TENM3: variants seen among roughly 807,000 people sequenced by gnomAD.
TENM3 encodes teneurin-3.
TENM3 carries 63 observed loss-of-function variants against 255.1 expected under a neutral mutation model. The observed-to-expected ratio is 0.25, with a 90% CI of 0.20 to 0.30. The LOEUF is 0.30. TENM3 is among the 10% of genes least tolerant of loss of function. The probability of loss-of-function intolerance (pLI) is 1.00; values close to 1 mark genes in which losing one functional copy is unlikely to be tolerated. For synonymous variants in TENM3, 1,306 were observed against 1,322.3 expected (o/e 0.99, Z 0.27); for missense variants, 2,929 against 3,461.1 (o/e 0.85, Z 3.86).
intron 2 of TENM3, among the ~76,000 whole-genome samples, chr4:182,335,460 A>C (rs1398997731): frequency 1.7e-5 from 2 of 116,862 alleles, no homozygotes; most frequent in Admixed American, 1.1e-4. Context: ...GCGCCACCGC[A>C]CTCCAGCCTG....
intron 1 of TENM3, among the ~76,000 whole-genome samples, chr4:182,262,903 C>T (rs374899375): frequency 3.1e-4 from 47 of 151,940 alleles, no homozygotes; most frequent in African/African-American, 1.1e-3. Context: ...TTAGTAGAGA[C>T]GGGGTTTCAC....
At chr4:181,882,117 C>A in the TENM3 span, among the ~76,000 whole-genome samples, 3 of 152,042 alleles carry the variant, frequency 2.0e-5, no homozygotes, top group Admixed American at 1.3e-4. Context: ...CTTCTGAGTC[C>A]CCCCCGTTCG....
intron 1 of TENM3, among the ~76,000 whole-genome samples, chr4:182,222,149 T>C (rs755320145): frequency 5.4e-4 from 83 of 152,342 alleles, no homozygotes; most frequent in Non-Finnish European, 1.0e-3. Flanking sequence ...AGTTTTCTAC[T>C]GCATTTTTGC....
chr4:181,867,258 C>T, the TENM3 span, among the ~76,000 whole-genome samples: 1 of 152,098 alleles, frequency 6.6e-6, no homozygotes, highest in Non-Finnish European at 1.5e-5. Flanking sequence ...TGAAATACAT[C>T]AAATTTCCCC....
At chr4:181,842,402 C>T in the TENM3 span, among the ~76,000 whole-genome samples, 1 of 152,168 alleles carries the variant, frequency 6.6e-6, no homozygotes, top group Non-Finnish European at 1.5e-5. Flanking sequence ...AATTCATTCT[C>T]TTCTTTTATT....
intron 25 of TENM3, among the ~76,000 whole-genome samples, chr4:182,790,215 G>A (rs188778945): frequency 3.3e-5 from 5 of 152,208 alleles, no homozygotes; most frequent in African/African-American, 7.2e-5. Flanking sequence ...TTTGAGTTCC[G>A]GTAGCTCTCA....
the TENM3 span, among the ~76,000 whole-genome samples, chr4:182,005,908 CA>C: frequency 2.0e-5 from 3 of 152,120 alleles, no homozygotes; most frequent in Admixed American, 2.0e-4. Flanking sequence ...CTGATTTCTG[CA>C]CATTGATTTT....
chr4:181,565,382 T>G, the TENM3 span, among the ~76,000 whole-genome samples: 1 of 152,302 alleles, frequency 6.6e-6, no homozygotes, highest in South Asian at 2.1e-4. Context: ...GAGAATAAAT[T>G]TTACTGGATG....
chr4:181,831,379 A>G, the TENM3 span, among the ~76,000 whole-genome samples: 446 of 152,104 alleles, frequency 2.9e-3, 3 homozygotes, highest in Non-Finnish European at 3.7e-3. Context: ...TTATTTCTCC[A>G]GTTTTATTTC....
At chr4:181,652,944 T>A in the TENM3 span, among the ~76,000 whole-genome samples, 10 of 152,222 alleles carry the variant, frequency 6.6e-5, no homozygotes, top group Admixed American at 3.9e-4. Flanking sequence ...GAAATTTTTT[T>A]AAAAGATCTT....
the TENM3 span, among the ~76,000 whole-genome samples, chr4:181,795,523 C>T: frequency 6.6e-6 from 1 of 152,160 alleles, no homozygotes; most frequent in South Asian, 2.1e-4. Flanking sequence ...TCCATAGCAA[C>T]TTTGGCCTAA....
At chr4:181,638,068 G>A in the TENM3 span, among the ~76,000 whole-genome samples, 1 of 152,182 alleles carries the variant, frequency 6.6e-6, no homozygotes, top group African/African-American at 2.4e-5. Context: ...TGCCCTTGGT[G>A]ACTTTATCCT....
chr4:182,793,980 CT>C lies in TENM3; in HGVS notation c.7213+98del. Reference sequence around the variant, plus strand: ...AAATGCTTTTTTAAAAAACTTTATACTTTACTCAGGCAAAGGCAAATGGCTA... The same window carrying C: ...AAATGCTTTTTTAAAAAACTTTATACTTACTCAGGCAAAGGCAAATGGCTA... On this transcript the variant is annotated intron_variant, in intron 26 of 27. Coordinates refer to ENST00000511685, the MANE Select transcript of TENM3 (RefSeq NM_001080477.4). This position sits in a 1 kb window ranked among gnomAD's most constrained non-coding sequence, Gnocchi z 5.7. 1 of 1,187,352 alleles carries C rather than the reference CT, an allele frequency of 8.4e-7. No individual in the cohort carries two copies. Among genetic ancestry groups the C allele is most frequent in the Non-Finnish European group, 1.2e-6 (1 of 861,358 alleles). The allele number at this position is 1,187,352 out of a possible 1,614,324, so 73.6% of individuals were successfully genotyped here. A position where few individuals can be genotyped will look rare whatever the true frequency, so the allele number is the denominator to read the frequency against.
the TENM3 span, among the ~76,000 whole-genome samples, chr4:181,766,545 TG>T: frequency 6.6e-6 from 1 of 151,914 alleles, no homozygotes; most frequent in Non-Finnish European, 1.5e-5. Flanking sequence ...AGAGTGGAGG[TG>T]GCAGGCTCCA....
the TENM3 span, among the ~76,000 whole-genome samples, chr4:182,049,754 C>T: frequency 1.6e-4 from 24 of 152,136 alleles, no homozygotes; most frequent in Non-Finnish European, 4.4e-5. Flanking sequence ...TCGGCATCGG[C>T]GACAGCTTAA....
At chr4:182,500,986 A>G (rs2151648647) in intron 3 of TENM3, among the ~76,000 whole-genome samples, 1 of 152,130 alleles carries the variant, frequency 6.6e-6, no homozygotes, top group East Asian at 1.9e-4. Context: ...AGTTGGAGAG[A>G]TTTCCTTTAT....
intron 3 of TENM3, among the ~76,000 whole-genome samples, chr4:182,409,293 G>A (rs1245288869): frequency 1.3e-5 from 2 of 152,298 alleles, no homozygotes; most frequent in African/African-American, 4.8e-5. Context: ...AAGATACGCA[G>A]GGTCCTAGAA....
chr4:181,983,074 C>A, the TENM3 span, among the ~76,000 whole-genome samples: 1 of 152,038 alleles, frequency 6.6e-6, no homozygotes, highest in Non-Finnish European at 1.5e-5. Flanking sequence ...TACTTGAATG[C>A]AATACTGTTT....
the TENM3 span, among the ~76,000 whole-genome samples, chr4:181,839,347 A>G: frequency 8.5e-4 from 11 of 12,998 alleles, no homozygotes; most frequent in Non-Finnish European, 1.5e-3. Context: ...TATTGAGGGT[A>G]TATATATATA....
Sources: allele counts gnomAD v4.1 joint callset (sites outside exome capture counted in the v4.1 genomes callset), GRCh38; gene constraint gnomAD v4.1.1; non-coding constraint Gnocchi (gnomAD v3.1); transcripts MANE v1.5; gene names NCBI Gene and HGNC (gene_info 2026-07-23, HGNC 2026-07-21).